Variants in TIMP2 observed in about 807,000 individuals in gnomAD.
TIMP2 encodes TIMP metallopeptidase inhibitor 2.
A neutral mutation model predicts 24.3 loss-of-function variants in TIMP2; 5 were observed. The ratio of observed to expected loss-of-function variants is 0.21; its 90% CI spans 0.11 to 0.43. The LOEUF is 0.43. Ranked by LOEUF, TIMP2 falls within the 20% of genes least tolerant of loss-of-function variation. The probability of loss-of-function intolerance (pLI) is 1.00; values close to 1 mark genes in which losing one functional copy is unlikely to be tolerated. For missense variants in TIMP2, 221 were observed against 297.5 expected, an observed-to-expected ratio of 0.74 and a Z score of 1.89; for synonymous variants, 130 against 123.2, an observed-to-expected ratio of 1.06 and a Z score of -0.37.
At position 78,891,287 on chromosome 17, in the gene TIMP2, G is replaced by T. The variant is rs944972543; in HGVS notation, c.131-17368C>A. On this transcript the variant is annotated intron_variant, in intron 1 of 4. Transcript: ENST00000262768. This position sits in a 1 kb window ranked among gnomAD's most constrained non-coding sequence, Gnocchi z 4.5. The stretch of plus-strand genomic sequence containing the variant: ...CGCCTCCTCCTCTGCTGGGCTCCTG[G>T]GTTCCCCGGCAGGCAGCATCTCTGG... 4.5e-6 allele frequency: 7 copies of T among 1,550,558 alleles called. No homozygotes were observed. In the East Asian group the frequency reaches 1.2e-4, roughly 27 times the overall value.
rs1439822304 is a variant in TIMP2, at chr17:78,854,004, A to C, written c.*1663T>G. 5.9e-5 allele frequency: 9 copies of C among 152,288 alleles called. No individual in the cohort carries two copies. In the Middle Eastern group the frequency reaches 0.01, roughly 173 times the overall value. The allele number at this position is 152,288 out of a possible 1,614,324, so 9.4% of individuals were successfully genotyped here. On this transcript the variant is annotated 3_prime_UTR_variant, in exon 5 of 5. Coordinates refer to ENST00000262768, the MANE Select transcript of TIMP2 (RefSeq NM_003255.5). The stretch of plus-strand genomic sequence containing the variant: ...GGGGCCGATTCCTGGATACCCTCCC[A>C]GTCTGCCCTAGAAAGGGAAGTCATC...
intron 1 of TIMP2, chr17:78,900,030 T>A (rs2070066181): frequency 6.6e-6 from 1 of 151,888 alleles, no homozygotes; most frequent in Non-Finnish European, 1.5e-5. Flanking sequence ...ACGTAGAATA[T>A]GTAATTTGAC....
In TIMP2 at chr17:78,896,569, G is replaced by A. The variant is rs1000514931; in HGVS notation, c.131-22650C>T. ...CCTCTGTCCTCCACATCCTCTGAGT[G>A]TTCTGAGCATCCTGGGCTGCTTTGG... On this transcript the variant is annotated intron_variant, in intron 1 of 4. Transcript: ENST00000262768. The surrounding 1 kb of genome is among the most constrained non-coding windows in gnomAD (Gnocchi z 4.4). 6.6e-6 allele frequency among the ~76,000 whole-genome samples: 1 copy of A among 152,146 alleles called. No individual in the cohort carries two copies. Among genetic ancestry groups the A allele is most frequent in the Non-Finnish European group, 1.5e-5 (1 of 68,024 alleles).
intron 1 of TIMP2, among the ~76,000 whole-genome samples, chr17:78,914,733 C>T (rs1009604195): frequency 5.3e-5 from 8 of 151,626 alleles, no homozygotes; most frequent in African/African-American, 1.9e-4. Flanking sequence ...GTGCCACCAC[C>T]CCTGGCTAAT....
intron 1 of TIMP2, among the ~76,000 whole-genome samples, chr17:78,877,022 G>A (rs1360429650): frequency 6.6e-6 from 1 of 152,154 alleles, no homozygotes; most frequent in Non-Finnish European, 1.5e-5. Context: ...TCTGCTCAGG[G>A]CCCTGGGAGG....
intron 1 of TIMP2, among the ~76,000 whole-genome samples, chr17:78,916,626 C>A (rs1430516818): frequency 2.0e-5 from 3 of 152,140 alleles, no homozygotes; most frequent in Non-Finnish European, 4.4e-5. Context: ...GAGCTCTGCT[C>A]CCCTGGTAAC....
rs758582843 is a variant in TIMP2, at chr17:78,873,819, C to T, written c.231G>A (p.Lys77=). The T allele has an allele frequency of 6.2e-7, 1 of 1,612,112 alleles. No individual in the cohort carries two copies. Residue 77 remains lysine (K), a splice_region_variant and synonymous_variant, in exon 2 of 5, where the codon AAG becomes AAA. Transcript: ENST00000262768. ...CCGGGATGCCGGCAGCCACTATTAC[C>T]TTTATCTGCTTGATCTCATACTGGA... is the stretch of plus-strand genomic sequence containing the variant. ...KRIQYEIKQI[K]MFKGPEKDIE...
At chr17:78,857,363 A>G (rs553024388) in intron 4 of TIMP2, 159 bp downstream of exon 4, 13 of 960,364 alleles carry the variant, frequency 1.4e-5, no homozygotes, top group Admixed American at 7.8e-5. Context: ...CCCCAGCCAG[A>G]CAGCCTTACT....
chr17:78,873,937 C>T lies in TIMP2; in HGVS notation c.131-18G>A, dbSNP rs1308048598. The T allele has an allele frequency of 6.2e-7, 1 of 1,610,694 alleles. No individual in the cohort carries two copies. Among genetic ancestry groups the T allele is most frequent in the Non-Finnish European group, 8.5e-7 (1 of 1,178,636 alleles). On this transcript the variant is annotated intron_variant, in intron 1 of 4. Coordinates refer to ENST00000262768, the MANE Select transcript of TIMP2 (RefSeq NM_003255.5). ...CCTGATCACTGCAAAACACAAGACA[C>T]AGAGGTGAGGAGAGTTCCTGAAACA...
chr17:78,909,679 C>T (rs1445812746), intron 1 of TIMP2, among the ~76,000 whole-genome samples: 1 of 152,126 alleles, frequency 6.6e-6, no homozygotes, highest in African/African-American at 2.4e-5. Context: ...CTAGGGTCAC[C>T]GTAAGGCTCG....
chr17:78,893,132 GGT>G (rs1218791531), intron 1 of TIMP2, among the ~76,000 whole-genome samples: 18 of 148,174 alleles, frequency 1.2e-4, no homozygotes, highest in Non-Finnish European at 1.5e-4. Flanking sequence ...TGTGTGCAGG[GGT>G]GTGTGTGCGT....
At chr17:78,870,787 C>T in intron 3 of TIMP2, 111 bp downstream of exon 3, 2 of 838,810 alleles carry the variant, frequency 2.4e-6, no homozygotes, top group Admixed American at 2.1e-5. Flanking sequence ...CACTGTTCCT[C>T]AGCTACTCCG....
intron 1 of TIMP2, chr17:78,904,833 C>T (rs573512986): frequency 6.6e-6 from 1 of 152,382 alleles, no homozygotes; most frequent in African/African-American, 2.4e-5. Context: ...GGCAGGCAAA[C>T]CCTCCCTCTG....
chr17:78,911,053 C>T (rs1381810261), intron 1 of TIMP2, among the ~76,000 whole-genome samples: 4 of 152,258 alleles, frequency 2.6e-5, no homozygotes, highest in African/African-American at 9.6e-5. Context: ...AGTGACTGTA[C>T]TACTTTCCAT....
intron 3 of TIMP2, among the ~76,000 whole-genome samples, 178 bp downstream of exon 3, chr17:78,870,720 G>A (rs1404115518): frequency 2.6e-5 from 4 of 152,046 alleles, no homozygotes; most frequent in Non-Finnish European, 5.9e-5. Context: ...GGCAGGTAGT[G>A]AACATTCACT....
intron 1 of TIMP2, among the ~76,000 whole-genome samples, chr17:78,882,670 G>A (rs969692732): frequency 1.3e-5 from 2 of 152,234 alleles, no homozygotes; most frequent in Non-Finnish European, 2.9e-5. Context: ...ACGCCACCAG[G>A]GATGGCAGAC....
chr17:78,883,381 C>T (rs144363593), intron 1 of TIMP2, among the ~76,000 whole-genome samples: 9 of 152,296 alleles, frequency 5.9e-5, no homozygotes, highest in South Asian at 4.1e-4. Context: ...AGGGCGGGAC[C>T]GTGACATCCA....
chr17:78,907,937 C>T (rs867279598), intron 1 of TIMP2, among the ~76,000 whole-genome samples: 1 of 152,028 alleles, frequency 6.6e-6, no homozygotes, highest in Non-Finnish European at 1.5e-5. Context: ...AGTTTGAGAC[C>T]GGCCTGAACA....
intron 1 of TIMP2, among the ~76,000 whole-genome samples, chr17:78,918,096 ACAC>A (rs1264238658): frequency 4.6e-5 from 7 of 151,712 alleles, no homozygotes; most frequent in Middle Eastern, 3.4e-3. Context: ...ACACACACAC[ACAC>A]AACTTCACTT....
Sources: allele counts gnomAD v4.1 joint callset (sites outside exome capture counted in the v4.1 genomes callset), GRCh38; gene constraint gnomAD v4.1.1; non-coding constraint Gnocchi (gnomAD v3.1); transcripts MANE v1.5; gene names NCBI Gene and HGNC (gene_info 2026-07-23, HGNC 2026-07-21).